TLN2: variants seen among roughly 807,000 people sequenced by gnomAD.
The protein encoded by TLN2 is talin 2.
Under a neutral mutation model 294.7 loss-of-function variants are expected in TLN2, and 118 were observed. The observed-to-expected ratio is 0.40, with a 90% CI of 0.34 to 0.47. The LOEUF is 0.47. Ranked by LOEUF, TLN2 falls within the 20% of genes least tolerant of loss-of-function variation. TLN2 has a pLI of 0.84. For synonymous variants in TLN2, 1,431 were observed against 1,304.5 expected (o/e 1.10, Z -2.09); for missense variants, 3,083 against 3,282.2 (o/e 0.94, Z 1.48).
At chr15:62,486,561 G>C (rs2038415467) in intron 1 of TLN2, among the ~76,000 whole-genome samples, 1 of 144,486 alleles carries the variant, frequency 6.9e-6, no homozygotes, top group South Asian at 2.2e-4. Flanking sequence ...CTCACTATTA[G>C]ATTTTCCACA....
At chr15:62,461,541 G>A (rs2036806423) in intron 1 of TLN2, among the ~76,000 whole-genome samples, 3 of 152,186 alleles carry the variant, frequency 2.0e-5, no homozygotes, top group Admixed American at 2.0e-4. Context: ...ATTTAGATGT[G>A]TTTGCTTTGC....
chr15:62,702,397 G>C (rs2058770842), intron 18 of TLN2, among the ~76,000 whole-genome samples, 197 bp downstream of exon 18: 1 of 152,272 alleles, frequency 6.6e-6, no homozygotes, highest in East Asian at 1.9e-4. Flanking sequence ...TTAGTATAAA[G>C]GCCTCCCCCT....
At chr15:62,788,182 G>C (rs1383581817) in intron 45 of TLN2, among the ~76,000 whole-genome samples, 4 of 151,682 alleles carry the variant, frequency 2.6e-5, no homozygotes, top group African/African-American at 9.7e-5. Context: ...ATGGTGGGGG[G>C]TGCCTGTAAT....
chr15:62,652,233 T>C, intron 6 of TLN2, 99 bp downstream of exon 6: 3 of 1,331,144 alleles, frequency 2.3e-6, no homozygotes, highest in East Asian at 2.5e-5. Context: ...CAACTTTGAA[T>C]GTGTCTTAAC....
intron 1 of TLN2, among the ~76,000 whole-genome samples, chr15:62,435,317 C>T (rs1296263977): frequency 2.6e-5 from 4 of 152,134 alleles, no homozygotes; most frequent in Non-Finnish European, 5.9e-5. Flanking sequence ...GTATTTCTGC[C>T]TCCAGATCTT....
chr15:62,682,510 C>A (rs555801302), intron 11 of TLN2, among the ~76,000 whole-genome samples: 1 of 152,116 alleles, frequency 6.6e-6, no homozygotes, highest in Non-Finnish European at 1.5e-5. Flanking sequence ...GTTTGGATCC[C>A]GGCTTTGCCA....
In TLN2 at chr15:62,551,513, TACACACACAC is replaced by T. The variant is rs56986714; in HGVS notation, c.-237-38148_-237-38139del. Among the ~76,000 whole-genome samples the T allele has an allele frequency of 1.3e-3, 196 of 147,088 alleles. 2 individuals are homozygous for T. Among genetic ancestry groups the T allele is most frequent in the East Asian group, 0.01 (49 of 4,898 alleles). ...AGTGAAAGCCAATCTCTACTAAAAA[TACACACACAC>T]ACACACACACACACACACACACACA... On this transcript the variant is annotated intron_variant, in intron 1 of 58. Coordinates refer to ENST00000636159, the MANE Select transcript of TLN2 (RefSeq NM_015059.3).
At chr15:62,625,533 A>G (rs1354254962) in intron 3 of TLN2, among the ~76,000 whole-genome samples, 1 of 152,164 alleles carries the variant, frequency 6.6e-6, no homozygotes, top group African/African-American at 2.4e-5. Context: ...TTCTGCATCC[A>G]TGCTGTTAGA....
intron 1 of TLN2, among the ~76,000 whole-genome samples, chr15:62,503,844 C>T (rs1015393044): frequency 4.6e-5 from 7 of 152,220 alleles, no homozygotes; most frequent in Admixed American, 1.3e-4. Context: ...GCTGGGCTCA[C>T]ACCCCTTCCC....
intron 2 of TLN2, among the ~76,000 whole-genome samples, chr15:62,607,267 T>C (rs1346465375): frequency 6.6e-6 from 1 of 152,154 alleles, no homozygotes; most frequent in African/African-American, 2.4e-5. Context: ...GAAGTCATGG[T>C]AGCTTTCTAT....
At position 62,559,087 on chromosome 15, in the gene TLN2, C is replaced by T. The variant is rs2042770634; in HGVS notation, c.-237-30600C>T. Among the ~76,000 whole-genome samples, 3 of 152,158 alleles carry T rather than the reference C, an allele frequency of 2.0e-5. No individual in the cohort carries two copies. In the South Asian group the frequency reaches 6.2e-4, roughly 32 times the overall value. On this transcript the variant is annotated intron_variant, in intron 1 of 58. Coordinates refer to ENST00000636159, the MANE Select transcript of TLN2 (RefSeq NM_015059.3). ...ACCCCTGTGAATGAACATCCACTTT[C>T]CCTTCAGCTAGTGATGTCACTGAGA...
intron 2 of TLN2, among the ~76,000 whole-genome samples, chr15:62,603,514 TC>T (rs1337623828): frequency 1.3e-5 from 2 of 152,226 alleles, no homozygotes; most frequent in Non-Finnish European, 2.9e-5. Context: ...TCTCCCTTAT[TC>T]AACCTGTGCT....
chr15:62,573,334 G>A (rs2140652177), intron 1 of TLN2, among the ~76,000 whole-genome samples: 1 of 152,068 alleles, frequency 6.6e-6, no homozygotes, highest in East Asian at 1.9e-4. Flanking sequence ...TGCAGGTGTT[G>A]TGCCCCCCTC....
intron 1 of TLN2, among the ~76,000 whole-genome samples, chr15:62,534,149 T>G (rs2041205411): frequency 6.6e-6 from 1 of 150,672 alleles, no homozygotes; most frequent in Admixed American, 6.6e-5. Flanking sequence ...TGTAGGGATT[T>G]CTCCCCACAT....
At chr15:62,622,987 G>A (rs899886684) in intron 3 of TLN2, among the ~76,000 whole-genome samples, 2 of 152,242 alleles carry the variant, frequency 1.3e-5, no homozygotes, top group African/African-American at 4.8e-5. Context: ...GGCCCTGAGT[G>A]CCAGCCTGTC....
intron 1 of TLN2, among the ~76,000 whole-genome samples, chr15:62,586,906 T>C (rs542454647): frequency 2.9e-4 from 44 of 152,208 alleles, no homozygotes; most frequent in Admixed American, 5.2e-4. Context: ...TTAGTTGAAA[T>C]TGTGTGGTAA....
intron 1 of TLN2, among the ~76,000 whole-genome samples, chr15:62,551,641 G>T (rs2042319552): frequency 6.6e-6 from 1 of 152,212 alleles, no homozygotes; most frequent in South Asian, 2.1e-4. Flanking sequence ...GGAGGTTGCA[G>T]TGAGCTGAGA....
At chr15:62,629,364 GTGCT>G (rs2049575500) in intron 3 of TLN2, among the ~76,000 whole-genome samples, 2 of 152,298 alleles carry the variant, frequency 1.3e-5, no homozygotes, top group African/African-American at 4.8e-5. Flanking sequence ...CTGTGAGATA[GTGCT>G]TCCATGTCAG....
chr15:62,621,503 G>A (rs1166404831), intron 3 of TLN2, among the ~76,000 whole-genome samples: 1 of 152,176 alleles, frequency 6.6e-6, no homozygotes, highest in African/African-American at 2.4e-5. Flanking sequence ...CTCCAACTTT[G>A]TGCCCCCAGC....
Sources: gnomAD v4.1 joint callset for allele counts (sites outside exome capture counted in the v4.1 genomes callset) on GRCh38, gnomAD v4.1.1 for gene constraint, MANE v1.5 for transcripts, NCBI Gene and HGNC (gene_info 2026-07-23, HGNC 2026-07-21) for gene names.